CNTN4: variants seen among roughly 807,000 people sequenced by gnomAD.
CNTN4 encodes contactin-4.
In CNTN4, 77 loss-of-function variants were observed where a neutral mutation model predicts 122.5. The observed-to-expected ratio is 0.63, with a 90% CI of 0.52 to 0.76. CNTN4 has a LOEUF of 0.76. Among genes scored for constraint, CNTN4 ranks in the 30% least tolerant of loss-of-function variants. CNTN4 has a pLI of 0.00. For synonymous variants in CNTN4, 512 were observed against 447.0 expected (o/e 1.15, Z -1.83); for missense variants, 1,256 against 1,259.1 (o/e 1.00, Z 0.04).
intron 4 of CNTN4, among the ~76,000 whole-genome samples, chr3:2,660,009 C>T (rs1353965837): frequency 6.6e-6 from 1 of 152,126 alleles, no homozygotes; most frequent in East Asian, 1.9e-4. Flanking sequence ...TTTAAAATAG[C>T]ATGACGATCT....
intron 13 of CNTN4, among the ~76,000 whole-genome samples, chr3:2,933,598 A>G (rs931086162): frequency 1.3e-5 from 2 of 152,158 alleles, no homozygotes; most frequent in Non-Finnish European, 2.9e-5. Flanking sequence ...CTTTCACGCT[A>G]GTAAAGGCAA....
chr3:3,007,596 G>A (rs1696784322), intron 14 of CNTN4, among the ~76,000 whole-genome samples: 1 of 152,178 alleles, frequency 6.6e-6, no homozygotes, highest in African/African-American at 2.4e-5. Flanking sequence ...GAAACAGTAT[G>A]CAGAACAATA....
At chr3:2,470,223 CA>C (rs1229462125) in intron 3 of CNTN4, among the ~76,000 whole-genome samples, 45 of 152,246 alleles carry the variant, frequency 3.0e-4, no homozygotes, top group Admixed American at 1.3e-3. Flanking sequence ...ATTACAGGCA[CA>C]TGCCACCACG....
intron 4 of CNTN4, among the ~76,000 whole-genome samples, chr3:2,671,860 C>T (rs1047171127): frequency 6.6e-6 from 1 of 152,204 alleles, no homozygotes; most frequent in Non-Finnish European, 1.5e-5. Context: ...TGCCGGAGGT[C>T]CACTCCAGAC....
rs776604336 is a variant in CNTN4, at chr3:2,745,551, C to G, written c.212C>G (p.Thr71Ser). 9.3e-6 allele frequency: 15 copies of G among 1,613,984 alleles called. No homozygotes were observed. Among genetic ancestry groups the G allele is most frequent in the Non-Finnish European group, 1.3e-5 (15 of 1,179,980 alleles). ...RWKLNGTDVD[T>S]GMDFRYSVVE... ...AAGTTAAATGGAACAGATGTTGACACTGGTATGGATTTCCGCTACAGTGTT... is the reference window on the plus strand; with the variant it reads ...AAGTTAAATGGAACAGATGTTGACAGTGGTATGGATTTCCGCTACAGTGTT... Residue 71 changes from threonine to serine, a missense_variant, in exon 6 of 25, where the codon ACT becomes AGT. By Grantham distance (58) the Thr-to-Ser change is moderately conservative (BLOSUM62 1). Transcript: ENST00000418658.
At chr3:2,469,795 CA>C (rs2151492408) in intron 3 of CNTN4, among the ~76,000 whole-genome samples, 1 of 152,256 alleles carries the variant, frequency 6.6e-6, no homozygotes, top group South Asian at 2.1e-4. Context: ...GAATTTCTGA[CA>C]TGTGTTATTA....
At chr3:2,487,187 A>G (rs1293177289) in intron 3 of CNTN4, among the ~76,000 whole-genome samples, 1 of 152,188 alleles carries the variant, frequency 6.6e-6, no homozygotes, top group Non-Finnish European at 1.5e-5. Context: ...TGTTGGTAAA[A>G]TTACTAATGT....
chr3:2,181,550 C>T (rs9821779), intron 2 of CNTN4, among the ~76,000 whole-genome samples: 9,019 of 152,080 alleles, frequency 0.059, 294 homozygotes, highest in Middle Eastern at 0.099. Flanking sequence ...GGCTCTGAGT[C>T]CCCTGACTAC....
chr3:2,878,553 C>CTGTGTGTGTGTGTGTGTGTGTGTG (rs60925207), intron 8 of CNTN4, among the ~76,000 whole-genome samples: 1 of 146,950 alleles, frequency 6.8e-6, no homozygotes, highest in Non-Finnish European at 1.5e-5. Context: ...GAGATGCTCT[C>CTGTGTGTGTGTGTGTGTGTGTGTG]TGTGTGTGTG....
At chr3:2,982,452 G>A (rs1444238739) in intron 13 of CNTN4, among the ~76,000 whole-genome samples, 1 of 152,154 alleles carries the variant, frequency 6.6e-6, no homozygotes, top group Non-Finnish European at 1.5e-5. Context: ...ACAGAAATGG[G>A]CTCAAAAATG....
intron 3 of CNTN4, among the ~76,000 whole-genome samples, chr3:2,423,745 C>G (rs1381428302): frequency 1.3e-5 from 2 of 151,968 alleles, no homozygotes; most frequent in Admixed American, 6.6e-5. Context: ...TTTTTGCTCT[C>G]TTTTAATACC....
At chr3:2,362,039 A>G (rs1575461969) in intron 3 of CNTN4, among the ~76,000 whole-genome samples, 1 of 152,220 alleles carries the variant, frequency 6.6e-6, no homozygotes, top group Admixed American at 6.5e-5. Flanking sequence ...AGAGTTGACC[A>G]GGTTGATTAA....
intron 4 of CNTN4, among the ~76,000 whole-genome samples, chr3:2,654,046 T>C (rs1031959129): frequency 1.3e-5 from 2 of 152,228 alleles, no homozygotes; most frequent in Non-Finnish European, 2.9e-5. Context: ...AGACAAAACT[T>C]AAGTGATGAT....
chr3:2,772,541 T>A (rs1158555440), intron 6 of CNTN4, among the ~76,000 whole-genome samples: 1 of 152,080 alleles, frequency 6.6e-6, no homozygotes, highest in Non-Finnish European at 1.5e-5. Flanking sequence ...GGTGGCAAAT[T>A]TACTTTAAGA....
intron 2 of CNTN4, among the ~76,000 whole-genome samples, chr3:2,156,618 A>C (rs2035731935): frequency 6.6e-6 from 1 of 152,206 alleles, no homozygotes; most frequent in South Asian, 2.1e-4. Context: ...ATAAGTCTGT[A>C]AGATCCGTTG....
intron 3 of CNTN4, among the ~76,000 whole-genome samples, chr3:2,493,407 C>T (rs1270652135): frequency 6.6e-6 from 1 of 151,370 alleles, no homozygotes; most frequent in Non-Finnish European, 1.5e-5. Context: ...TTTCCTGAAA[C>T]CTCAAAGCTG....
chr3:2,866,805 C>T lies in CNTN4; in HGVS notation c.508C>T (p.Arg170Cys), dbSNP rs765118168. 43 of 1,613,794 alleles carry T rather than the reference C, an allele frequency of 2.7e-5. No individual in the cohort carries two copies. The highest frequency in any genetic ancestry group is 1.6e-4 in the Middle Eastern group (1 of 6,082). ...NEYPSYQDNR[R>C]FVSQETGNLY... Reference sequence around the variant, plus strand: ...ATACCCTTCCTATCAGGATAATCGCCGCTTTGTTTCTCAAGAGACTGGGAA... The same window carrying T: ...ATACCCTTCCTATCAGGATAATCGCTGCTTTGTTTCTCAAGAGACTGGGAA... Residue 170 changes from arginine (R) to cysteine (C), a missense_variant, in exon 8 of 25, where the codon CGC (arginine) becomes TGC (cysteine). Transcript: ENST00000418658.
At chr3:2,934,898 G>A (rs1017551936) in intron 13 of CNTN4, among the ~76,000 whole-genome samples, 12 of 152,190 alleles carry the variant, frequency 7.9e-5, no homozygotes, top group African/African-American at 2.9e-4. Context: ...ATGCAGTTAC[G>A]AAAGAGAGCT....
At chr3:2,683,001 C>G (rs964545728) in intron 4 of CNTN4, among the ~76,000 whole-genome samples, 1 of 152,102 alleles carries the variant, frequency 6.6e-6, no homozygotes. Flanking sequence ...CTGACCCCAT[C>G]ATTCAGAGTG....
Sources: gnomAD v4.1 joint callset for allele counts (sites outside exome capture counted in the v4.1 genomes callset) on GRCh38, gnomAD v4.1.1 for gene constraint, MANE v1.5 for transcripts, NCBI Gene and HGNC (gene_info 2026-07-23, HGNC 2026-07-21) for gene names.